Variants in SYNPO2 observed in about 807,000 individuals in gnomAD.
SYNPO2 encodes the protein synaptopodin-2.
SYNPO2 carries 56 observed loss-of-function variants against 85.0 expected under a neutral mutation model. The ratio of observed to expected loss-of-function variants is 0.66; its 90% CI spans 0.53 to 0.82. SYNPO2 has a LOEUF of 0.82. Among genes scored for constraint, SYNPO2 ranks in the 40% least tolerant of loss-of-function variants. The pLI is 0.00. For missense variants in SYNPO2, 1,575 were observed against 1,534.2 expected (o/e 1.03, Z -0.44); for synonymous variants, 602 against 591.1 (o/e 1.02, Z -0.27).
chr4:118,888,928 C>T lies in SYNPO2; in HGVS notation c.-109C>T. ...AGCAGCGGCGGACGCTCTGCATTAC[C>T]CAGTCTTGCGTCCTCGGCAGGCGCC... is the stretch of plus-strand genomic sequence containing the variant. On this transcript the variant is annotated 5_prime_UTR_variant, in exon 1 of 5. Transcript: ENST00000307142. 9.1e-7 allele frequency: 1 copy of T among 1,102,740 alleles called. No individual in the cohort carries two copies. Among genetic ancestry groups the T allele is most frequent in the Non-Finnish European group, 1.4e-6 (1 of 728,290 alleles). 68.3% of individuals were successfully genotyped at this position (1,102,740 alleles called of 1,614,324 possible).
intron 1 of SYNPO2, among the ~76,000 whole-genome samples, chr4:118,925,820 G>A (rs1162757661): frequency 3.4e-5 from 5 of 148,374 alleles, no homozygotes; most frequent in South Asian, 2.1e-4. Context: ...AATTCTGCTC[G>A]GTGAGTTTGG....
intron 1 of SYNPO2, among the ~76,000 whole-genome samples, chr4:118,903,484 T>C (rs1447416036): frequency 6.6e-6 from 1 of 152,132 alleles, no homozygotes; most frequent in Non-Finnish European, 1.5e-5. Flanking sequence ...ACTCCAGATA[T>C]ACAAATAAAA....
intron 1 of SYNPO2, among the ~76,000 whole-genome samples, chr4:118,948,061 G>C (rs574657300): frequency 1.7e-4 from 26 of 152,112 alleles, no homozygotes; most frequent in African/African-American, 6.0e-4. Context: ...GTAAGTAAAA[G>C]AATAAAAAAA....
chr4:119,012,808 T>A (rs1001408567), intron 1 of SYNPO2, among the ~76,000 whole-genome samples: 1 of 152,172 alleles, frequency 6.6e-6, no homozygotes, highest in African/African-American at 2.4e-5. Flanking sequence ...GATGGGCACT[T>A]GGGTTGGTTC....
intron 1 of SYNPO2, among the ~76,000 whole-genome samples, chr4:118,863,867 A>T (rs1731659564): frequency 6.6e-6 from 1 of 152,202 alleles, no homozygotes; most frequent in Non-Finnish European, 1.5e-5. Context: ...TCAGCCTCCC[A>T]AAATGCTGGG....
At chr4:118,860,353 C>A (rs1301977636) in intron 1 of SYNPO2, among the ~76,000 whole-genome samples, 1 of 152,034 alleles carries the variant, frequency 6.6e-6, no homozygotes, top group Non-Finnish European at 1.5e-5. Flanking sequence ...CAGTGAGCCT[C>A]CCACCTCAGC....
chr4:119,010,250 C>T (rs115869586), intron 1 of SYNPO2, among the ~76,000 whole-genome samples: 55 of 152,260 alleles, frequency 3.6e-4, no homozygotes, highest in Middle Eastern at 3.4e-3. Flanking sequence ...TGTTTTCACA[C>T]TGCTGATAAA....
intron 1 of SYNPO2, among the ~76,000 whole-genome samples, chr4:118,894,915 G>A (rs1434109144): frequency 6.6e-6 from 1 of 151,674 alleles, no homozygotes; most frequent in Admixed American, 6.6e-5. Flanking sequence ...CATTCATTTT[G>A]CCTAGAAATA....
At chr4:118,921,075 T>C (rs1221849622) in intron 1 of SYNPO2, among the ~76,000 whole-genome samples, 1 of 152,050 alleles carries the variant, frequency 6.6e-6, no homozygotes, top group Non-Finnish European at 1.5e-5. Flanking sequence ...TGGCTATTTT[T>C]TACTTTTATT....
At chr4:118,984,768 T>C (rs1481611431) in intron 1 of SYNPO2, among the ~76,000 whole-genome samples, 4 of 152,224 alleles carry the variant, frequency 2.6e-5, no homozygotes, top group African/African-American at 9.6e-5. Flanking sequence ...AGCCTGGTTT[T>C]GTAGTTATTT....
At chr4:118,945,616 C>T (rs879924910) in intron 1 of SYNPO2, among the ~76,000 whole-genome samples, 7 of 152,200 alleles carry the variant, frequency 4.6e-5, no homozygotes, top group Non-Finnish European at 8.8e-5. Context: ...TCCAAAGTTT[C>T]ATAACACAAC....
intron 1 of SYNPO2, among the ~76,000 whole-genome samples, chr4:118,970,557 C>T (rs185166863): frequency 3.7e-4 from 56 of 152,300 alleles, no homozygotes; most frequent in African/African-American, 1.2e-3. Flanking sequence ...ACCTTAACCA[C>T]CCCACATATT....
chr4:118,858,619 CT>C (rs1266689427), intron 1 of SYNPO2, among the ~76,000 whole-genome samples: 1 of 152,152 alleles, frequency 6.6e-6, no homozygotes, highest in Non-Finnish European at 1.5e-5. Context: ...CCATTCTTCC[CT>C]CCTTTTTCAA....
intron 1 of SYNPO2, among the ~76,000 whole-genome samples, chr4:118,898,395 G>A (rs540306911): frequency 3.0e-4 from 46 of 152,126 alleles, no homozygotes; most frequent in African/African-American, 1.0e-3. Context: ...CACATTCCTT[G>A]AGTTCATGCT....
intron 1 of SYNPO2, among the ~76,000 whole-genome samples, chr4:118,997,121 T>C (rs1461478739): frequency 6.7e-6 from 1 of 148,174 alleles, no homozygotes; most frequent in African/African-American, 2.5e-5. Flanking sequence ...GCGCCTGTAG[T>C]CCCAGCTACT....
intron 1 of SYNPO2, among the ~76,000 whole-genome samples, chr4:119,016,303 G>T (rs952204992): frequency 2.0e-5 from 3 of 151,984 alleles, no homozygotes; most frequent in Non-Finnish European, 2.9e-5. Context: ...GAGCCTGCCA[G>T]CTACTTGGGA....
At chr4:119,014,573 C>T (rs1184809387) in intron 1 of SYNPO2, among the ~76,000 whole-genome samples, 1 of 152,042 alleles carries the variant, frequency 6.6e-6, no homozygotes, top group Non-Finnish European at 1.5e-5. Flanking sequence ...TTTAAAATTT[C>T]TTATTTTTGA....
Position 119,057,493 on chromosome 4 carries a change from T to A in SYNPO2, c.3345T>A (p.Ser1115=), listed in dbSNP as rs1346436720. ...TATACCAGCCTACTTATAGTTACTC[T>A]AGTAAACCAACCGATGGACTAGAGA... is the stretch of plus-strand genomic sequence containing the variant. The part of the protein sequence containing the change: ...PWVYQPTYSY[S]SKPTDGLEKA... The change falls in exon 5 of 5, where the codon TCT becomes TCA. Residue 1115 remains serine (S), a synonymous_variant. Transcript: ENST00000307142. 1 of 1,613,966 alleles carries A rather than the reference T, an allele frequency of 6.2e-7. No individual in the cohort carries two copies. Among genetic ancestry groups the A allele is most frequent in the East Asian group, 2.2e-5 (1 of 44,880 alleles).
intron 1 of SYNPO2, among the ~76,000 whole-genome samples, chr4:119,008,332 G>A (rs192953940): frequency 1.3e-5 from 2 of 152,236 alleles, no homozygotes; most frequent in Non-Finnish European, 2.9e-5. Flanking sequence ...AACACTGCCT[G>A]CTGCTGGAGG....
Sources: allele counts gnomAD v4.1 joint callset (sites outside exome capture counted in the v4.1 genomes callset), GRCh38; gene constraint gnomAD v4.1.1; transcripts MANE v1.5; gene names NCBI Gene and HGNC (gene_info 2026-07-23, HGNC 2026-07-21).